The following LEKR1 variants were observed in gnomAD, a reference collection of about 807,000 sequenced individuals.
LEKR1 encodes the protein leucine, glutamate and lysine rich 1, also known as protein LEKR1.
A neutral mutation model predicts 72.4 loss-of-function variants in LEKR1; 59 were observed. The ratio of observed to expected loss-of-function variants is 0.82; its 90% confidence interval spans 0.66 to 1.01. The LOEUF (loss-of-function observed/expected upper bound fraction) is 1.01, where lower values mean the gene tolerates loss of function less well. LEKR1 is among the 50% of genes least tolerant of loss of function. The pLI is 0.00. For missense variants in LEKR1, 728 were observed against 759.2 expected (o/e 0.96, Z 0.48); for synonymous variants, 257 against 263.2 (o/e 0.98, Z 0.23).
intron 12 of LEKR1, among the ~76,000 whole-genome samples, chr3:157,031,922 C>G (rs1015634988): frequency 6.6e-6 from 1 of 151,808 alleles, no homozygotes; most frequent in Non-Finnish European, 1.5e-5. Context: ...GAGGGCATCC[C>G]CAGAAACAGC....
chr3:157,024,213 T>C (rs1052214399), intron 10 of LEKR1, among the ~76,000 whole-genome samples: 1 of 152,202 alleles, frequency 6.6e-6, no homozygotes, highest in Non-Finnish European at 1.5e-5. Context: ...AGTCGAACCA[T>C]TGCAAGTTGG....
At chr3:156,968,231 A>C (rs1728811443) in intron 6 of LEKR1, among the ~76,000 whole-genome samples, 2 of 152,198 alleles carry the variant, frequency 1.3e-5, no homozygotes, top group African/African-American at 4.8e-5. Flanking sequence ...CGAGCAAAAT[A>C]ACCAGCTAAC....
intron 9 of LEKR1, among the ~76,000 whole-genome samples, chr3:157,004,881 G>C (rs1329970588): frequency 6.6e-6 from 1 of 151,828 alleles, no homozygotes; most frequent in Non-Finnish European, 1.5e-5. Flanking sequence ...TCCACTTTAG[G>C]CAATTAGAAA....
chr3:156,836,613 A>G (rs1274904883), intron 2 of LEKR1, among the ~76,000 whole-genome samples: 3 of 152,182 alleles, frequency 2.0e-5, no homozygotes, highest in Non-Finnish European at 4.4e-5. Flanking sequence ...TTTCCCCCTC[A>G]AAGGTCTCCT....
chr3:156,877,749 T>C (rs1426489944), intron 3 of LEKR1, among the ~76,000 whole-genome samples: 3 of 152,124 alleles, frequency 2.0e-5, no homozygotes, highest in Non-Finnish European at 2.9e-5. Context: ...TTTATCTTTT[T>C]TAAAAACATC....
intron 3 of LEKR1, among the ~76,000 whole-genome samples, chr3:156,907,995 A>G (rs963668648): frequency 1.3e-5 from 2 of 152,038 alleles, no homozygotes; most frequent in African/African-American, 4.8e-5. Context: ...TATTTTGTAG[A>G]ATATCCCTCA....
At chr3:156,924,631 G>A in intron 4 of LEKR1, 1 of 500,050 alleles carries the variant, frequency 2.0e-6, no homozygotes, top group East Asian at 3.2e-5. Context: ...TTCTGTGTAT[G>A]ATATGAGGTA....
chr3:156,884,494 G>C (rs1719847286), intron 3 of LEKR1, among the ~76,000 whole-genome samples: 1 of 152,114 alleles, frequency 6.6e-6, no homozygotes, highest in Non-Finnish European at 1.5e-5. Flanking sequence ...ATTCTCTCAG[G>C]ATTTGTTTGA....
At chr3:157,021,152 G>T (rs530598118) in intron 10 of LEKR1, among the ~76,000 whole-genome samples, 221 of 150,216 alleles carry the variant, frequency 1.5e-3, no homozygotes, top group African/African-American at 4.7e-3. Flanking sequence ...TAAATTTGTT[G>T]GAGTTCATTG....
chr3:157,041,428 G>T (rs1735332235), intron 12 of LEKR1, among the ~76,000 whole-genome samples: 1 of 152,042 alleles, frequency 6.6e-6, no homozygotes, highest in Non-Finnish European at 1.5e-5. Flanking sequence ...AACTTTCAAT[G>T]ACTCCATATG....
chr3:156,869,287 AG>A (rs1316076784), intron 3 of LEKR1, among the ~76,000 whole-genome samples: 1 of 152,084 alleles, frequency 6.6e-6, no homozygotes, highest in East Asian at 1.9e-4. Flanking sequence ...TGTTTTCTAT[AG>A]TGGCTGTACT....
At chr3:156,948,780 C>G (rs1294348021) in intron 6 of LEKR1, among the ~76,000 whole-genome samples, 1 of 151,514 alleles carries the variant, frequency 6.6e-6, no homozygotes, top group Non-Finnish European at 1.5e-5. Flanking sequence ...TTTACACTCC[C>G]AGCAAGTGTA....
intron 6 of LEKR1, among the ~76,000 whole-genome samples, chr3:156,974,473 G>T (rs978134443): frequency 1.3e-5 from 2 of 151,960 alleles, no homozygotes; most frequent in African/African-American, 2.4e-5. Context: ...AACTGACAAC[G>T]CTCCTTGTTA....
intron 5 of LEKR1, among the ~76,000 whole-genome samples, chr3:156,940,882 G>A (rs931336813): frequency 6.6e-6 from 1 of 152,140 alleles, no homozygotes; most frequent in Non-Finnish European, 1.5e-5. Context: ...GACACCACGT[G>A]TGTGGTGCTG....
chr3:156,878,683 G>A (rs763622940), intron 3 of LEKR1, among the ~76,000 whole-genome samples: 1 of 152,004 alleles, frequency 6.6e-6, no homozygotes, highest in South Asian at 2.1e-4. Flanking sequence ...TTTCTTTGTT[G>A]ACTTTCTGTC....
intron 5 of LEKR1, 64 bp downstream of exon 5, chr3:156,927,668 A>C: frequency 8.3e-6 from 5 of 599,102 alleles, no homozygotes; most frequent in Non-Finnish European, 1.2e-5. Context: ...ATAAGTAATA[A>C]AATAATGATA....
chr3:156,941,708 T>C (rs1376616998), intron 5 of LEKR1, among the ~76,000 whole-genome samples: 1 of 152,100 alleles, frequency 6.6e-6, no homozygotes, highest in Admixed American at 6.6e-5. Context: ...ATTCAATTAA[T>C]TGTGGTTGTA....
chr3:156,843,452 T>A (rs951919995), intron 2 of LEKR1, among the ~76,000 whole-genome samples: 13 of 152,178 alleles, frequency 8.5e-5, no homozygotes, highest in African/African-American at 2.6e-4. Context: ...TCAGGAAATC[T>A]TTATTACCAC....
intron 2 of LEKR1, among the ~76,000 whole-genome samples, chr3:156,840,910 C>A (rs1713822600): frequency 6.6e-6 from 1 of 152,196 alleles, no homozygotes. Context: ...TTGCCCTGAA[C>A]TAAGTCCCTT....
Sources: gnomAD v4.1 joint callset for allele counts (sites outside exome capture counted in the v4.1 genomes callset) on GRCh38, gnomAD v4.1.1 for gene constraint, MANE v1.5 for transcripts, NCBI Gene and HGNC (gene_info 2026-07-23, HGNC 2026-07-21) for gene names.